KLHDC4: variants seen among roughly 807,000 people sequenced by gnomAD.
KLHDC4 encodes kelch domain containing 4, also known as kelch domain-containing protein 4.
KLHDC4 carries 90 observed loss-of-function variants against 62.4 expected under a neutral mutation model. The ratio of observed to expected loss-of-function variants is 1.44; its 90% confidence interval spans 1.22 to 1.72. The LOEUF (loss-of-function observed/expected upper bound fraction) is 1.72. Among genes scored for constraint, KLHDC4 ranks in the 40% most tolerant of loss-of-function variants. The pLI is 0.00. For synonymous variants in KLHDC4, 386 were observed against 284.4 expected (o/e 1.36, Z -3.59); for missense variants, 1,025 against 699.7 (o/e 1.47, Z -5.25).
chr16:87,726,011 G>A (rs998228026), intron 7 of KLHDC4, among the ~76,000 whole-genome samples: 1 of 152,108 alleles, frequency 6.6e-6, no homozygotes, highest in Non-Finnish European at 1.5e-5. Flanking sequence ...GAACAGAACA[G>A]GGCCCTAACA....
At chr16:87,714,796 C>A (rs1022981527) in intron 7 of KLHDC4, among the ~76,000 whole-genome samples, 1 of 152,172 alleles carries the variant, frequency 6.6e-6, no homozygotes, top group Non-Finnish European at 1.5e-5. Flanking sequence ...TTCTAATGGC[C>A]GCGATCACAC....
At chr16:87,735,895 G>A (rs969870270) in intron 5 of KLHDC4, among the ~76,000 whole-genome samples, 3 of 152,190 alleles carry the variant, frequency 2.0e-5, no homozygotes, top group East Asian at 3.9e-4. Context: ...CGACTGGGCC[G>A]CTGTGGTGAC....
chr16:87,732,155 G>C (rs1443921959), intron 5 of KLHDC4, among the ~76,000 whole-genome samples: 1 of 151,130 alleles, frequency 6.6e-6, no homozygotes, highest in Non-Finnish European at 1.5e-5. Flanking sequence ...GAGTGCAGTG[G>C]TGCAATCTCG....
intron 7 of KLHDC4, among the ~76,000 whole-genome samples, chr16:87,723,313 A>C (rs1232183288): frequency 1.3e-5 from 2 of 152,270 alleles, no homozygotes; most frequent in Non-Finnish European, 2.9e-5. Context: ...CCACAGGCTC[A>C]GAGCCAAGAG....
intron 1 of KLHDC4, chr16:87,765,204 G>A (rs1004279428): frequency 1.5e-5 from 7 of 455,926 alleles, no homozygotes; most frequent in Non-Finnish European, 2.2e-5. Flanking sequence ...TGCAGACCCC[G>A]GGCTGAGGAC....
rs1321637005 is a variant in KLHDC4, at chr16:87,711,229, C to A, written c.1044+6G>T. On this transcript the variant is annotated splice_donor_region_variant and intron_variant, in intron 9 of 11. Coordinates refer to ENST00000270583, the MANE Select transcript of KLHDC4 (RefSeq NM_017566.4). ...CACGGCGCATGCTACTCAGAGGTTG[C>A]ACTACCTTCAGCTGTCCCTCAAACC... is the stretch of plus-strand genomic sequence containing the variant. 1.9e-6 allele frequency: 3 copies of A among 1,613,730 alleles called. No individual in the cohort carries two copies. The highest frequency in any genetic ancestry group is 1.7e-6 in the Non-Finnish European group (2 of 1,179,956).
Position 87,755,255 on chromosome 16 carries a change from C to G in KLHDC4, c.308G>C (p.Arg103Thr). 1 of 1,611,144 alleles carries G rather than the reference C, an allele frequency of 6.2e-7. No individual in the cohort carries two copies. Among genetic ancestry groups the G allele is most frequent in the Non-Finnish European group, 8.5e-7 (1 of 1,177,432 alleles). ...GTCAACTTTGGTCCAGGTGTCCTTT[C>G]TGGTATTGTAGACATAGAGCTCGTT... ...LYNELYVYNTRKDTWTKVDIP... is the reference protein window; with the variant it reads ...LYNELYVYNTTKDTWTKVDIP... The change falls in exon 4 of 12, where the codon AGA (arginine) becomes ACA (threonine). Residue 103 changes from arginine to threonine, a missense_variant. By Grantham distance (71) the Arg-to-Thr change is moderately conservative. Transcript: ENST00000270583.
chr16:87,732,101 T>TC (rs60284660), intron 5 of KLHDC4, among the ~76,000 whole-genome samples: 17,602 of 149,562 alleles, frequency 0.12, 1,594 homozygotes, highest in African/African-American at 0.25. Flanking sequence ...ATATTTCTTT[T>TC]TTTTTTTTTT....
chr16:87,708,042 C>T lies in KLHDC4; in HGVS notation c.*35G>A, dbSNP rs534888409. ...GCTGGGTCCTGGGCGGACGTGGGCACAGCACTTGCCAGGCGCCCCTGGCAG... is the reference window on the plus strand; with the variant it reads ...GCTGGGTCCTGGGCGGACGTGGGCATAGCACTTGCCAGGCGCCCCTGGCAG... On this transcript the variant is annotated 3_prime_UTR_variant, in exon 12 of 12. Transcript: ENST00000270583. The T allele has an allele frequency of 2.2e-4, 116 of 529,264 alleles. No homozygotes were observed. The highest frequency in any genetic ancestry group is 2.1e-3 in the African/African-American group (112 of 53,004). The allele number at this position is 529,264 out of a possible 1,614,324, so 32.8% of individuals were successfully genotyped here. A position where few individuals can be genotyped will look rare whatever the true frequency, so the allele number is the denominator to read the frequency against.
At chr16:87,701,805 G>C (rs1258665560) in exon 1 of KLHDC4, 2 of 456,702 alleles carry the variant, frequency 4.4e-6, no homozygotes, top group South Asian at 3.1e-5. Context: ...GTGCCCCATG[G>C]GACAGAGGCC....
chr16:87,751,389 G>A (rs768726523), intron 4 of KLHDC4, among the ~76,000 whole-genome samples: 3 of 151,660 alleles, frequency 2.0e-5, no homozygotes, highest in South Asian at 2.1e-4. Context: ...CAGGAGAATC[G>A]CTTGAGCCTG....
rs980214788 is a variant in KLHDC4, at chr16:87,714,275, C to T, written c.835+223G>A. ...GGTAACAGCGCCCGTGCTTCTCAGTCAGTCCATCATCAATGCCCCCAAAGG... is the reference window on the plus strand; with the variant it reads ...GGTAACAGCGCCCGTGCTTCTCAGTTAGTCCATCATCAATGCCCCCAAAGG... On this transcript the variant is annotated intron_variant, in intron 8 of 11. Coordinates refer to ENST00000270583, the MANE Select transcript of KLHDC4 (RefSeq NM_017566.4). 5.2e-6 allele frequency: 3 copies of T among 581,846 alleles called. No individual in the cohort carries two copies. In the African/African-American group the frequency reaches 6.0e-5, roughly 12 times the overall value. The allele number at this position is 581,846 out of a possible 1,614,324, so 36.0% of individuals were successfully genotyped here.
chr16:87,762,420 A>ACTT (rs1414212729), intron 1 of KLHDC4, among the ~76,000 whole-genome samples: 2 of 148,022 alleles, frequency 1.4e-5, no homozygotes, highest in Non-Finnish European at 3.0e-5. Context: ...TCTGACAAGA[A>ACTT]CTTCCACTTA....
At chr16:87,765,094 C>A (rs1445499242) in intron 1 of KLHDC4, 2 of 455,938 alleles carry the variant, frequency 4.4e-6, no homozygotes, top group South Asian at 3.1e-5. Context: ...GCCCAGGGAG[C>A]TGTGCCTGGC....
intron 1 of KLHDC4, 153 bp from the exon 2 acceptor site, chr16:87,762,193 T>C: frequency 7.0e-7 from 1 of 1,435,612 alleles, no homozygotes; most frequent in Non-Finnish European, 9.1e-7. Context: ...ATGCAGAGTT[T>C]GACACATTCG....
intron 1 of KLHDC4, chr16:87,765,469 G>C: frequency 2.0e-6 from 1 of 503,326 alleles, no homozygotes; most frequent in Non-Finnish European, 3.8e-6. Flanking sequence ...TCACCACCCA[G>C]CCTCCCTTCA....
intron 5 of KLHDC4, among the ~76,000 whole-genome samples, chr16:87,748,234 C>T (rs932023302): frequency 6.6e-6 from 1 of 152,164 alleles, no homozygotes; most frequent in Admixed American, 6.5e-5. Context: ...AGAGAAATGT[C>T]AACATCCTTC....
chr16:87,765,042 G>A (rs143280646), intron 1 of KLHDC4: 183 of 444,494 alleles, frequency 4.1e-4, no homozygotes, highest in African/African-American at 3.4e-3. Flanking sequence ...TGTCAAATGG[G>A]AATACCAGTG....
intron 1 of KLHDC4, among the ~76,000 whole-genome samples, chr16:87,762,513 C>T (rs1441384061): frequency 6.6e-6 from 1 of 152,266 alleles, no homozygotes; most frequent in Non-Finnish European, 1.5e-5. Flanking sequence ...GCCTGCCTTC[C>T]TGTCTGCTGA....
Sources: allele counts gnomAD v4.1 joint callset (sites outside exome capture counted in the v4.1 genomes callset), GRCh38; gene constraint gnomAD v4.1.1; transcripts MANE v1.5; gene names NCBI Gene and HGNC (gene_info 2026-07-23, HGNC 2026-07-21).